The following BCAS3 variants were observed in gnomAD, a reference collection of about 807,000 sequenced individuals.
BCAS3 encodes BCAS4/BCAS3 fusion.
A neutral mutation model predicts 116.1 loss-of-function variants in BCAS3; 53 were observed. That is an observed-to-expected ratio of 0.46 (90% CI 0.37 to 0.57). The LOEUF (loss-of-function observed/expected upper bound fraction) is 0.57. BCAS3 is among the 20% of genes least tolerant of loss of function. The pLI is 0.00. For synonymous variants in BCAS3, 391 were observed against 408.2 expected, an observed-to-expected ratio of 0.96 and a Z score of 0.51; for missense variants, 917 against 1,165.4, an observed-to-expected ratio of 0.79 and a Z score of 3.10.
chr17:61,089,560 C>T (rs373427491), intron 22 of BCAS3, among the ~76,000 whole-genome samples: 1 of 101,770 alleles, frequency 9.8e-6, no homozygotes, highest in African/African-American at 3.9e-5. Flanking sequence ...GACGGAGTCT[C>T]GCTGTGTCAC....
At chr17:60,887,572 G>C (rs943515259) in intron 9 of BCAS3, 1 of 152,124 alleles carries the variant, frequency 6.6e-6, no homozygotes, top group Non-Finnish European at 1.5e-5. Context: ...TTTGCATTTG[G>C]ATATCCAGTA....
At position 61,162,863 on chromosome 17, in the gene BCAS3, CAA is replaced by C. The variant is rs1407718898; in HGVS notation, c.2425+78300_2425+78301del. 6.6e-6 allele frequency among the ~76,000 whole-genome samples: 1 copy of C among 152,144 alleles called. No individual in the cohort carries two copies. The highest frequency in any genetic ancestry group is 2.1e-4 in the South Asian group (1 of 4,824). ...GCCTTTTGTTGTTATTTGGGACACT[CAA>C]GAGGACCAACATGACGTTAGAGCTT... On this transcript the variant is annotated intron_variant, in intron 22 of 23. Coordinates refer to ENST00000407086, the MANE Select transcript of BCAS3 (RefSeq NM_017679.5). This position sits in a 1 kb window ranked among gnomAD's most constrained non-coding sequence, Gnocchi z 5.6.
Position 61,309,188 on chromosome 17 carries a change from G to A in BCAS3, c.2426-59139G>A, listed in dbSNP as rs939648582. Among the ~76,000 whole-genome samples, 2 of 152,164 alleles carry A rather than the reference G, an allele frequency of 1.3e-5. No homozygotes were observed. The highest frequency in any genetic ancestry group is 1.3e-4 in the Admixed American group (2 of 15,282). ...TAGTGACAGGGAAAAAAGAACGTTA[G>A]CTCATGTGAGGATACGTATAAGGGA... is the stretch of plus-strand genomic sequence containing the variant. On this transcript the variant is annotated intron_variant, in intron 22 of 23. Transcript: ENST00000407086. The surrounding 1 kb of genome is among the most constrained non-coding windows in gnomAD (Gnocchi z 4.6).
chr17:60,974,739 T>C (rs935639972), intron 14 of BCAS3, among the ~76,000 whole-genome samples: 1 of 152,162 alleles, frequency 6.6e-6, no homozygotes, highest in African/African-American at 2.4e-5. Context: ...TTGCAAAACA[T>C]TTAATTAAAC....
intron 22 of BCAS3, among the ~76,000 whole-genome samples, chr17:61,301,356 G>A (rs1029615045): frequency 6.6e-5 from 10 of 152,168 alleles, no homozygotes; most frequent in East Asian, 5.8e-4. Context: ...GATTTCGGCC[G>A]GGCACGGTGA....
At position 61,388,867 on chromosome 17, in the gene BCAS3, A is replaced by G. The variant is rs1427953878; in HGVS notation, c.2594-3110A>G. On this transcript the variant is annotated intron_variant, in intron 23 of 23. Coordinates refer to ENST00000407086, the MANE Select transcript of BCAS3 (RefSeq NM_017679.5). The surrounding 1 kb of genome is among the most constrained non-coding windows in gnomAD (Gnocchi z 6.5). ...AGGGGTCTGAGAGGAGGCGTGGAGA[A>G]AAGCGCCCACAAAGCTGCCCCGGGG... 1.4e-6 allele frequency: 1 copy of G among 707,806 alleles called. No individual in the cohort carries two copies. The highest frequency in any genetic ancestry group is 2.8e-5 in the East Asian group (1 of 36,134). The allele number at this position is 707,806 out of a possible 1,614,324, so 43.8% of individuals were successfully genotyped here. A position where few individuals can be genotyped will look rare whatever the true frequency, so the allele number is the denominator to read the frequency against.
chr17:61,178,394 T>A (rs1249395182), intron 22 of BCAS3, among the ~76,000 whole-genome samples: 5 of 152,110 alleles, frequency 3.3e-5, no homozygotes, highest in African/African-American at 9.7e-5. Flanking sequence ...ACCCATCCAA[T>A]CACTTTTCAC....
At chr17:60,701,441 G>A (rs2036372470) in intron 4 of BCAS3, among the ~76,000 whole-genome samples, 1 of 152,038 alleles carries the variant, frequency 6.6e-6, no homozygotes, top group South Asian at 2.1e-4. Context: ...GAATATAGTT[G>A]ACCCTTTAAT....
At chr17:61,096,237 AG>A (rs2073962206) in intron 22 of BCAS3, among the ~76,000 whole-genome samples, 1 of 152,170 alleles carries the variant, frequency 6.6e-6, no homozygotes, top group South Asian at 2.1e-4. Flanking sequence ...CTTATATAAA[AG>A]TTTTTTCTTT....
chr17:61,078,386 G>A lies in BCAS3; in HGVS notation c.2184G>A (p.Gln728=). 1.2e-6 allele frequency: 2 copies of A among 1,614,104 alleles called. No homozygotes were observed. The highest frequency in any genetic ancestry group is 1.7e-6 in the Non-Finnish European group (2 of 1,180,010). ...ATAGACGTCTGTGGATGGGTCCACA[G>A]TTCCAGTTCAAAACCATCCATCCCT... ...GPHRRLWMGP[Q]FQFKTIHPSG... is the part of the protein sequence containing the mutation. Residue 728 remains glutamine (Q), a synonymous_variant, in exon 21 of 24, where the codon CAG becomes CAA. Transcript: ENST00000407086.
chr17:60,714,720 A>T (rs1404245097), intron 5 of BCAS3, among the ~76,000 whole-genome samples: 2 of 152,180 alleles, frequency 1.3e-5, no homozygotes, highest in Non-Finnish European at 2.9e-5. Flanking sequence ...TAAACATTTT[A>T]AAAAATTGTC....
chr17:61,150,060 G>A (rs148124217), intron 22 of BCAS3, among the ~76,000 whole-genome samples: 11 of 152,224 alleles, frequency 7.2e-5, no homozygotes, highest in Admixed American at 1.3e-4. Flanking sequence ...GAGGAGAGGC[G>A]GAACAGAATG....
rs1370338741 is a variant in BCAS3 at position 61,029,455 on chromosome 17, T to C, written c.1638-5211T>C. Among the ~76,000 whole-genome samples, 1 of 152,026 alleles carries C rather than the reference T, an allele frequency of 6.6e-6. No homozygotes were observed. Among genetic ancestry groups the C allele is most frequent in the African/African-American group, 2.4e-5 (1 of 41,440 alleles). The stretch of plus-strand genomic sequence containing the variant: ...TTTAGGATATTTGAGTTTGGATGAC[T>C]ATATAAAATAATACAAAAGAATTAC... On this transcript the variant is annotated intron_variant, in intron 16 of 23. Transcript: ENST00000407086. The surrounding 1 kb of genome is among the most constrained non-coding windows in gnomAD (Gnocchi z 5.2).
chr17:60,980,920 A>G (rs2062771913), intron 14 of BCAS3, among the ~76,000 whole-genome samples: 1 of 151,664 alleles, frequency 6.6e-6, no homozygotes. Flanking sequence ...TGCAGCTTCA[A>G]GCTCCTGGGC....
At chr17:61,230,980 T>TC (rs1491473282) in intron 22 of BCAS3, among the ~76,000 whole-genome samples, 1 of 136,798 alleles carries the variant, frequency 7.3e-6, no homozygotes, top group African/African-American at 2.9e-5. Context: ...TTTTTTTTTT[T>TC]CTAAGAGATA....
intron 22 of BCAS3, among the ~76,000 whole-genome samples, chr17:61,288,798 G>A (rs1460631203): frequency 6.6e-6 from 1 of 152,218 alleles, no homozygotes; most frequent in East Asian, 1.9e-4. Context: ...ATGGGCGAAA[G>A]GGCTGTACTG....
intron 6 of BCAS3, 49 bp from the exon 7 acceptor site, chr17:60,807,954 AT>A: frequency 7.8e-7 from 1 of 1,288,128 alleles, no homozygotes; most frequent in Non-Finnish European, 1.1e-6. Context: ...AGTGGGAATT[AT>A]ACAATAATAT....
intron 5 of BCAS3, among the ~76,000 whole-genome samples, chr17:60,728,770 C>A (rs932091654): frequency 6.6e-6 from 1 of 152,170 alleles, no homozygotes; most frequent in African/African-American, 2.4e-5. Context: ...TGAGCCACCA[C>A]ACCCGATAAT....
intron 6 of BCAS3, among the ~76,000 whole-genome samples, chr17:60,763,832 T>C (rs1325954851): frequency 6.6e-6 from 1 of 152,142 alleles, no homozygotes; most frequent in Non-Finnish European, 1.5e-5. Context: ...GTCCTGGACT[T>C]TTTTTGGTTG....
Sources: allele counts gnomAD v4.1 joint callset (sites outside exome capture counted in the v4.1 genomes callset), GRCh38; gene constraint gnomAD v4.1.1; non-coding constraint Gnocchi (gnomAD v3.1); transcripts MANE v1.5; gene names NCBI Gene and HGNC (gene_info 2026-07-23, HGNC 2026-07-21).